GULP1: variants seen among roughly 807,000 people sequenced by gnomAD.
The protein encoded by GULP1 is PTB domain-containing engulfment adapter protein 1.
GULP1 carries 19 observed loss-of-function variants against 40.9 expected under a neutral mutation model. The ratio of observed to expected loss-of-function variants is 0.46; its 90% CI spans 0.32 to 0.68. GULP1 has a LOEUF of 0.68. Among genes scored for constraint, GULP1 ranks in the 30% least tolerant of loss-of-function variants. GULP1 has a pLI of 0.03. For synonymous variants in GULP1, 119 were observed against 117.6 expected, an observed-to-expected ratio of 1.01 and a Z score of -0.08; for missense variants, 312 against 362.2, an observed-to-expected ratio of 0.86 and a Z score of 1.12.
intron 4 of GULP1, among the ~76,000 whole-genome samples, chr2:188,488,530 T>A (rs913939300): frequency 6.6e-6 from 1 of 152,056 alleles, no homozygotes; most frequent in Non-Finnish European, 1.5e-5. Flanking sequence ...TTGACACTAG[T>A]CATTACTATC....
At chr2:188,559,220 A>T (rs1695606158) in intron 7 of GULP1, among the ~76,000 whole-genome samples, 1 of 152,150 alleles carries the variant, frequency 6.6e-6, no homozygotes, top group South Asian at 2.1e-4. Flanking sequence ...TACCCTAGGG[A>T]GTTGGTGCCC....
chr2:188,480,480 A>T (rs936520054), intron 3 of GULP1, among the ~76,000 whole-genome samples: 1 of 151,902 alleles, frequency 6.6e-6, no homozygotes, highest in African/African-American at 2.4e-5. Flanking sequence ...TTAAATCTCC[A>T]AATTAGTAAG....
rs1012349965 is a variant in GULP1 at position 188,548,567 on chromosome 2, G to A, written c.399+7249G>A. On this transcript the variant is annotated intron_variant, in intron 7 of 11. Transcript: ENST00000409830. The stretch of plus-strand genomic sequence containing the variant: ...CAAGGTTGTTTGTAGATATAGACAA[G>A]ACAAGATTATTCTAAACTTTATATG... Among the ~76,000 whole-genome samples the A allele has an allele frequency of 2.0e-5, 3 of 152,114 alleles. No individual in the cohort carries two copies. The East Asian group carries it at 5.8e-4, about 29-fold the overall frequency.
intron 1 of GULP1, among the ~76,000 whole-genome samples, chr2:188,350,187 T>G (rs556242449): frequency 7.9e-5 from 12 of 152,248 alleles, no homozygotes; most frequent in African/African-American, 1.2e-4. Context: ...TCTGGGTTCC[T>G]TGTATTTCTA....
At chr2:188,379,056 T>G (rs139203909) in intron 1 of GULP1, among the ~76,000 whole-genome samples, 380 of 152,250 alleles carry the variant, frequency 2.5e-3, no homozygotes, top group African/African-American at 8.8e-3. Flanking sequence ...TCAAGGAAAG[T>G]GACTTGTGTT....
At chr2:188,589,856 A>T (rs1257845184) in intron 11 of GULP1, 2 of 529,024 alleles carry the variant, frequency 3.8e-6, no homozygotes, top group Non-Finnish European at 6.7e-6. Flanking sequence ...CAACAGCTTC[A>T]TATGGGTATA....
intron 10 of GULP1, 122 bp from the exon 11 acceptor site, chr2:188,587,733 G>T: frequency 1.6e-6 from 1 of 635,252 alleles, no homozygotes; most frequent in Non-Finnish European, 2.9e-6. Flanking sequence ...TACAGTGTAA[G>T]TGTGGGTTAG....
intron 7 of GULP1, among the ~76,000 whole-genome samples, chr2:188,556,207 G>T (rs543065911): frequency 1.3e-5 from 2 of 152,066 alleles, no homozygotes; most frequent in Admixed American, 1.3e-4. Context: ...CATAAATGTC[G>T]TGAAGGCTTT....
chr2:188,413,773 A>G (rs533029348), intron 2 of GULP1, among the ~76,000 whole-genome samples: 106 of 152,302 alleles, frequency 7.0e-4, no homozygotes, highest in Admixed American at 1.3e-3. Flanking sequence ...ATGTGTTACT[A>G]ATTGTAAAGG....
intron 5 of GULP1, 178 bp downstream of exon 5, chr2:188,523,005 C>A: frequency 4.1e-6 from 2 of 492,336 alleles, no homozygotes; most frequent in South Asian, 2.9e-5. Flanking sequence ...AACATGTACA[C>A]AAAATTGTGT....
intron 2 of GULP1, among the ~76,000 whole-genome samples, chr2:188,461,318 CTTTT>C (rs549518354): frequency 1.6e-5 from 2 of 122,968 alleles, no homozygotes; most frequent in Admixed American, 8.2e-5. Context: ...TACTGGTAAG[CTTTT>C]TTTTTTTTTT....
At chr2:188,503,167 C>A (rs1196218516) in intron 4 of GULP1, among the ~76,000 whole-genome samples, 5 of 151,878 alleles carry the variant, frequency 3.3e-5, no homozygotes, top group African/African-American at 4.8e-5. Context: ...TGTGGCCCAA[C>A]ACAAATTCTT....
At chr2:188,539,781 C>T (rs1033921036) in intron 6 of GULP1, among the ~76,000 whole-genome samples, 9 of 151,962 alleles carry the variant, frequency 5.9e-5, no homozygotes, top group African/African-American at 1.4e-4. Flanking sequence ...TTCAGTCTGA[C>T]GAGCAGTTAT....
intron 2 of GULP1, among the ~76,000 whole-genome samples, chr2:188,394,433 G>C (rs2050947423): frequency 6.6e-6 from 1 of 151,346 alleles, no homozygotes; most frequent in African/African-American, 2.4e-5. Context: ...TTCATATCCT[G>C]AATTTAAAAA....
intron 11 of GULP1, chr2:188,589,995 T>C: frequency 4.3e-6 from 1 of 232,276 alleles, no homozygotes; most frequent in Non-Finnish European, 8.3e-6. Flanking sequence ...TGAGGCAGAG[T>C]CTCACTCTAT....
chr2:188,544,905 T>A (rs1314810666), intron 7 of GULP1, among the ~76,000 whole-genome samples: 2 of 151,972 alleles, frequency 1.3e-5, no homozygotes, highest in Non-Finnish European at 2.9e-5. Context: ...CCAAACAGGA[T>A]TAATCCAAGT....
chr2:188,460,417 G>C (rs1429627868), intron 2 of GULP1, among the ~76,000 whole-genome samples: 2 of 95,374 alleles, frequency 2.1e-5, no homozygotes, highest in Non-Finnish European at 4.6e-5. Context: ...ATTGTAAATG[G>C]GAATTCTTTT....
rs186163489 is a variant in GULP1 at position 188,340,658 on chromosome 2, G to T, written c.-171-43105G>T. Reference sequence around the variant, plus strand: ...TGTGTGAGGTGATTGCTTTCTGCTAGTGAGGGCAGAGGGTAAGTATGACAG... The same window carrying T: ...TGTGTGAGGTGATTGCTTTCTGCTATTGAGGGCAGAGGGTAAGTATGACAG... On this transcript the variant is annotated intron_variant, in intron 1 of 11. Transcript: ENST00000409830. Among the ~76,000 whole-genome samples the T allele has an allele frequency of 3.9e-5, 6 of 152,282 alleles. No homozygotes were observed. In the East Asian group the frequency reaches 1.2e-3, roughly 29 times the overall value.
intron 1 of GULP1, among the ~76,000 whole-genome samples, chr2:188,318,554 G>A (rs1402685617): frequency 6.6e-6 from 1 of 152,088 alleles, no homozygotes; most frequent in African/African-American, 2.4e-5. Context: ...TCAAATTGAG[G>A]ACTAGCTAAA....
Sources: gnomAD v4.1 joint callset for allele counts (sites outside exome capture counted in the v4.1 genomes callset) on GRCh38, gnomAD v4.1.1 for gene constraint, MANE v1.5 for transcripts, NCBI Gene and HGNC (gene_info 2026-07-23, HGNC 2026-07-21) for gene names.